Variants in SLC52A1 observed in about 807,000 individuals in gnomAD.
SLC52A1 encodes the protein solute carrier family 52 member 1.
SLC52A1 carries 20 observed loss-of-function variants against 23.2 expected under a neutral mutation model. The observed-to-expected ratio is 0.86, with a 90% CI of 0.61 to 1.25. The LOEUF is 1.25. Ranked by LOEUF, SLC52A1 falls within the 50% of genes most tolerant of loss-of-function variation. The pLI, the probability that SLC52A1 is intolerant of heterozygous loss-of-function variation, is 0.00. For synonymous variants in SLC52A1, 260 were observed against 256.6 expected (o/e 1.01, Z -0.13); for missense variants, 528 against 557.0 (o/e 0.95, Z 0.52).
chr17:5,036,177 G>A (rs112738163), upstream of SLC52A1, among the ~76,000 whole-genome samples: 12,781 of 148,616 alleles, frequency 0.086, 704 homozygotes, highest in Middle Eastern at 0.15. Context: ...AATTACAGGC[G>A]CCCACCACCA....
Position 5,033,540 on chromosome 17 carries a change from C to G in SLC52A1, c.949G>C (p.Val317Leu). The change falls in exon 3 of 5, where the codon GTG (valine) becomes CTG (leucine). Residue 317 changes from valine to leucine, a missense_variant. By Grantham distance (32) the Val-to-Leu change is conservative. Coordinates refer to ENST00000254853, the MANE Select transcript of SLC52A1 (RefSeq NM_017986.4). Reference sequence around the variant, plus strand: ...GGGTTGGCGGCACTGCCCAGCACCACAGCCAGGTGGTAGGCCAGGCGCCCA... The same window carrying G: ...GGGTTGGCGGCACTGCCCAGCACCAGAGCCAGGTGGTAGGCCAGGCGCCCA... The part of the protein sequence containing the change: ...PYGRLAYHLA[V>L]VLGSAANPLA... The G allele has an allele frequency of 6.2e-7, 1 of 1,613,828 alleles. No individual in the cohort carries two copies. Among genetic ancestry groups the G allele is most frequent in the Non-Finnish European group, 8.5e-7 (1 of 1,179,970 alleles).
At position 5,034,566 on chromosome 17, in the gene SLC52A1, A is replaced by G. The variant is rs767223759; in HGVS notation, c.41T>C (p.Leu14Pro). 2 of 1,614,218 alleles carry G rather than the reference A, an allele frequency of 1.2e-6. No homozygotes were observed. Among genetic ancestry groups the G allele is most frequent in the South Asian group, 1.1e-5 (1 of 91,082 alleles). The part of the protein sequence containing the change: ...PTLGRLVLTH[L>P]LVALFGMGSW... Reference sequence around the variant, plus strand: ...GCCCATGCCAAAAAGGGCCACCAGCAGGTGGGTCAGCACCAGACGGCCCAG... The same window carrying G: ...GCCCATGCCAAAAAGGGCCACCAGCGGGTGGGTCAGCACCAGACGGCCCAG... Residue 14 changes from leucine to proline, a missense_variant, in exon 2 of 5, where the codon CTG becomes CCG. By Grantham distance (98) the Leu-to-Pro change is moderately conservative. Transcript: ENST00000254853.
chr17:5,035,546 C>A (rs1407189595), upstream of SLC52A1: 1 of 152,194 alleles, frequency 6.6e-6, no homozygotes, highest in Non-Finnish European at 1.5e-5. Context: ...TCCCGGGAGC[C>A]GCCAGGTGCG....
At position 5,034,013 on chromosome 17, in the gene SLC52A1, C is replaced by T. The variant is rs760079118; in HGVS notation, c.476G>A (p.Cys159Tyr). The T allele has an allele frequency of 3.7e-6, 6 of 1,613,864 alleles. No individual in the cohort carries two copies. In the African/African-American group the frequency reaches 8.0e-5, roughly 22 times the overall value. ...LGQGLSALLP[C>Y]VLALVQGVGR... ...CACACCTTGCACTAGGGCCAGCACA[C>T]AGGGGAGTAGGGCACTGAGACCCTG... The change falls in exon 3 of 5, where the codon TGT becomes TAT. Residue 159 changes from cysteine to tyrosine, a missense_variant. Cys to Tyr is a radical substitution (Grantham distance 194). Transcript: ENST00000254853.
chr17:5,041,508 A>G (rs1169686567), intron 1 of SLC52A1, among the ~76,000 whole-genome samples: 2 of 133,362 alleles, frequency 1.5e-5, no homozygotes, highest in East Asian at 4.4e-4. Context: ...ATGGAGTTTC[A>G]CTCTTATTGC....
At position 5,032,848 on chromosome 17, in the gene SLC52A1, G is replaced by T; in HGVS notation, c.*109C>A. On this transcript the variant is annotated 3_prime_UTR_variant, in exon 5 of 5. Transcript: ENST00000254853. ...TTCTGTGGAGTGTGCAGGTGTCCAT[G>T]AGCGTTCCTGTGTTGGGGGAAGCCT... The T allele has an allele frequency of 1.0e-6, 1 of 989,530 alleles. No individual in the cohort carries two copies. The highest frequency in any genetic ancestry group is 1.5e-6 in the Non-Finnish European group (1 of 660,946). 61.3% of individuals were successfully genotyped at this position (989,530 alleles called of 1,614,324 possible). A position where few individuals can be genotyped will look rare whatever the true frequency, so the allele number is the denominator to read the frequency against.
rs1188040609 is a variant in SLC52A1 at position 5,033,811 on chromosome 17, T to G, written c.678A>C (p.Thr226=). The change falls in exon 3 of 5, where the codon ACA becomes ACC. Residue 226 remains threonine (T), a synonymous_variant. Transcript: ENST00000254853. ...GTTGAAGTTCAGGCCCTGAGCCCCC[T>G]GTGGTTACAGAGGGTAGTGATGGCA... ...LLLPSLPSVT[T]GGSGPELQLG... The G allele has an allele frequency of 1.5e-5, 25 of 1,614,078 alleles. No homozygotes were observed. The highest frequency in any genetic ancestry group is 2.0e-5 in the Non-Finnish European group (24 of 1,180,040).
chr17:5,038,123 T>G (rs1975499676), upstream of SLC52A1, among the ~76,000 whole-genome samples: 1 of 151,940 alleles, frequency 6.6e-6, no homozygotes, highest in Non-Finnish European at 1.5e-5. Context: ...TTTCACCATG[T>G]TGGCCAGGCT....
upstream of SLC52A1, among the ~76,000 whole-genome samples, chr17:5,039,529 G>A (rs2143454537): frequency 6.6e-6 from 1 of 152,208 alleles, no homozygotes; most frequent in Admixed American, 6.5e-5. Flanking sequence ...CTGGAGTGCA[G>A]TGTGTGATCT....
chr17:5,033,122 C>G lies in SLC52A1; in HGVS notation c.1182G>C (p.Val394=). The change falls in exon 5 of 5, where the codon GTG becomes GTC. Residue 394 remains valine, a synonymous_variant. Coordinates refer to ENST00000254853, the MANE Select transcript of SLC52A1 (RefSeq NM_017986.4). The part of the protein sequence containing the change: ...LCLCVFSYVK[V]AASSLLHGGG... The stretch of plus-strand genomic sequence containing the variant: ...CACCATGCAGCAGGGAGCTTGCAGC[C>G]ACCTTCACATATGAGAACACACACA... 1 of 1,613,828 alleles carries G rather than the reference C, an allele frequency of 6.2e-7. No individual in the cohort carries two copies. Among genetic ancestry groups the G allele is most frequent in the Non-Finnish European group, 8.5e-7 (1 of 1,180,020 alleles).
At position 5,034,053 on chromosome 17, in the gene SLC52A1, A is replaced by G; in HGVS notation, c.436T>C (p.Ser146Pro). ...CTGAGACCCTGACCCAGGAAGAAAGACCGTAAGAAAGGAGGTGGCAGGTGG... is the reference window on the plus strand; with the variant it reads ...CTGAGACCCTGACCCAGGAAGAAAGGCCGTAAGAAAGGAGGTGGCAGGTGG... ...LSHLPPPFLR[S>P]FFLGQGLSAL... The change falls in exon 3 of 5, where the codon TCT (serine) becomes CCT (proline). Residue 146 changes from serine to proline, a missense_variant. By Grantham distance (74) the Ser-to-Pro change is moderately conservative. Transcript: ENST00000254853. 6.2e-7 allele frequency: 1 copy of G among 1,614,160 alleles called. No homozygotes were observed. Among genetic ancestry groups the G allele is most frequent in the Non-Finnish European group, 8.5e-7 (1 of 1,180,018 alleles).
Position 5,033,140 on chromosome 17 carries a change from C to G in SLC52A1, c.1164G>C (p.Val388=). Residue 388 remains valine, a synonymous_variant, in exon 5 of 5, where the codon GTG becomes GTC. Coordinates refer to ENST00000254853, the MANE Select transcript of SLC52A1 (RefSeq NM_017986.4). ...VVLSWVLCLC[V]FSYVKVAASS... Reference sequence around the variant, plus strand: ...TTGCAGCCACCTTCACATATGAGAACACACACAGACACAGCACCCACGACA... The same window carrying G: ...TTGCAGCCACCTTCACATATGAGAAGACACACAGACACAGCACCCACGACA... 6.2e-7 allele frequency: 1 copy of G among 1,613,902 alleles called. No homozygotes were observed. Among genetic ancestry groups the G allele is most frequent in the East Asian group, 2.2e-5 (1 of 44,890 alleles).
chr17:5,036,403 C>CTTTTTTTT (rs34031349), upstream of SLC52A1, among the ~76,000 whole-genome samples: 1 of 59,208 alleles, frequency 1.7e-5, no homozygotes, highest in Non-Finnish European at 2.9e-5. Context: ...CTAATTTTTG[C>CTTTTTTTT]TTTTTTTTTT....
At chr17:5,041,735 T>C (rs1975547525) in intron 1 of SLC52A1, among the ~76,000 whole-genome samples, 1 of 152,130 alleles carries the variant, frequency 6.6e-6, no homozygotes, top group Non-Finnish European at 1.5e-5. Context: ...TGCCTCGGCC[T>C]CCCAAAGTGC....
chr17:5,040,957 A>G (rs380229), intron 1 of SLC52A1, among the ~76,000 whole-genome samples: 103,721 of 151,516 alleles, frequency 0.68, 37,014 homozygotes, highest in African/African-American at 0.85. Flanking sequence ...CACCACGCCC[A>G]GCTAATTTTT....
Position 5,033,483 on chromosome 17 carries a change from AC to A in SLC52A1, c.1005del (p.Cys336AlafsTer21). ...PLACFLAMGV[L>X]CRSLAGLVGL... is the part of the protein sequence containing the mutation. The stretch of plus-strand genomic sequence containing the variant: ...AGCCTGGGGACCCTTTTGCACCTGC[AC>A]AGCACGCCCATGGCCAGGAAGCAGG... On this transcript the variant is annotated frameshift_variant, in exon 3 of 5. Coordinates refer to ENST00000254853, the MANE Select transcript of SLC52A1 (RefSeq NM_017986.4). LOFTEE classifies it high-confidence loss of function. 1 of 1,611,502 alleles carries A rather than the reference AC, an allele frequency of 6.2e-7. No individual in the cohort carries two copies. The highest frequency in any genetic ancestry group is 8.5e-7 in the Non-Finnish European group (1 of 1,178,552).
chr17:5,032,888 TAGTC>T lies in SLC52A1; in HGVS notation c.*65_*68del. 5.7e-6 allele frequency: 8 copies of T among 1,409,398 alleles called. No individual in the cohort carries two copies. Among genetic ancestry groups the T allele is most frequent in the Non-Finnish European group, 7.9e-6 (8 of 1,008,878 alleles). 87.3% of individuals were successfully genotyped at this position (1,409,398 alleles called of 1,614,324 possible). ...GGGGGAAGCCTGCCTGGGCCACAAG[TAGTC>T]AGGCACTGTGGCAGCCTCACGATGA... On this transcript the variant is annotated 3_prime_UTR_variant, in exon 5 of 5. Coordinates refer to ENST00000254853, the MANE Select transcript of SLC52A1 (RefSeq NM_017986.4).
upstream of SLC52A1, among the ~76,000 whole-genome samples, chr17:5,035,822 A>AC (rs1567736113): frequency 6.3e-4 from 62 of 97,956 alleles, no homozygotes; most frequent in South Asian, 8.5e-3. Context: ...GCCTCTCCCC[A>AC]CCCCCCCACA....
chr17:5,040,526 C>CATTG (rs1975530433), intron 1 of SLC52A1, among the ~76,000 whole-genome samples: 1 of 152,124 alleles, frequency 6.6e-6, no homozygotes, highest in Non-Finnish European at 1.5e-5. Context: ...TAAGATCTGT[C>CATTG]ATTGTGGTTT....
Sources: gnomAD v4.1 joint callset for allele counts (sites outside exome capture counted in the v4.1 genomes callset) on GRCh38, gnomAD v4.1.1 for gene constraint, MANE v1.5 for transcripts, NCBI Gene and HGNC (gene_info 2026-07-23, HGNC 2026-07-21) for gene names.